Variants in GRIN2A observed in about 807,000 individuals in gnomAD.
The protein encoded by GRIN2A is glutamate receptor ionotropic, NMDA 2A.
GRIN2A carries 22 observed loss-of-function variants against 113.4 expected under a neutral mutation model. The ratio of observed to expected loss-of-function variants is 0.19; its 90% CI spans 0.14 to 0.28. The LOEUF is 0.28. Ranked by LOEUF, GRIN2A falls within the 10% of genes least tolerant of loss-of-function variation. GRIN2A has a pLI of 1.00. For synonymous variants in GRIN2A, 827 were observed against 738.4 expected, an observed-to-expected ratio of 1.12 and a Z score of -1.94; for missense variants, 1,502 against 1,887.0, an observed-to-expected ratio of 0.80 and a Z score of 3.78.
At chr16:9,991,041 T>A (rs866614252) in intron 2 of GRIN2A, among the ~76,000 whole-genome samples, 1 of 151,996 alleles carries the variant, frequency 6.6e-6, no homozygotes, top group Non-Finnish European at 1.5e-5. Flanking sequence ...CACTCCAGCC[T>A]GGGTGACAGG....
intron 2 of GRIN2A, among the ~76,000 whole-genome samples, chr16:10,101,323 A>G (rs2048389763): frequency 6.6e-6 from 1 of 152,220 alleles, no homozygotes; most frequent in African/African-American, 2.4e-5. Context: ...GTTTCCTGGA[A>G]GATCCAACTG....
intron 2 of GRIN2A, among the ~76,000 whole-genome samples, chr16:10,044,858 T>C (rs2047231430): frequency 6.6e-6 from 1 of 152,028 alleles, no homozygotes; most frequent in South Asian, 2.1e-4. Context: ...CTAACATAAA[T>C]CACAGGGTAC....
Position 9,756,764 on chromosome 16 carries a change from G to A in GRIN2A, c.*6385C>T. 2 of 182,680 alleles carry A rather than the reference G, an allele frequency of 1.1e-5. No homozygotes were observed. Among genetic ancestry groups the A allele is most frequent in the Non-Finnish European group, 2.3e-5 (2 of 85,830 alleles). The allele number at this position is 182,680 out of a possible 1,614,324, so 11.3% of individuals were successfully genotyped here. ...AGGTGCAGATCCATGGCAAGTACTT[G>A]CGATAAGCAGAAAATGTAACATTCC... is the stretch of plus-strand genomic sequence containing the variant. On this transcript the variant is annotated 3_prime_UTR_variant, in exon 13 of 13. Coordinates refer to ENST00000330684, the MANE Select transcript of GRIN2A (RefSeq NM_001134407.3).
intron 12 of GRIN2A, among the ~76,000 whole-genome samples, chr16:9,766,350 T>C (rs931055654): frequency 6.6e-6 from 1 of 152,158 alleles, no homozygotes; most frequent in African/African-American, 2.4e-5. Flanking sequence ...CTCAACTCAT[T>C]TTCACTGCTA....
intron 2 of GRIN2A, among the ~76,000 whole-genome samples, chr16:10,046,158 A>G (rs1189690847): frequency 2.6e-5 from 4 of 152,074 alleles, no homozygotes; most frequent in Non-Finnish European, 5.9e-5. Context: ...GTTCTGACCA[A>G]TGTGGCATGA....
At chr16:10,038,805 G>T (rs973176436) in intron 2 of GRIN2A, among the ~76,000 whole-genome samples, 1 of 150,344 alleles carries the variant, frequency 6.7e-6, no homozygotes, top group Admixed American at 6.7e-5. Context: ...CCGAGATCGC[G>T]CCACTGCACT....
intron 2 of GRIN2A, among the ~76,000 whole-genome samples, chr16:10,084,722 A>C (rs1278461871): frequency 7.9e-6 from 1 of 127,150 alleles, no homozygotes; most frequent in Admixed American, 8.0e-5. Context: ...TTTTTCATTC[A>C]TGTCTTAATC....
intron 2 of GRIN2A, among the ~76,000 whole-genome samples, chr16:9,961,292 T>C (rs1474996846): frequency 6.6e-6 from 1 of 152,064 alleles, no homozygotes; most frequent in African/African-American, 2.4e-5. Flanking sequence ...GAAGGTCACA[T>C]GCTCCAGACA....
chr16:10,109,367 A>G (rs926951447), intron 2 of GRIN2A, among the ~76,000 whole-genome samples: 3 of 151,882 alleles, frequency 2.0e-5, no homozygotes, highest in Non-Finnish European at 2.9e-5. Context: ...AGAGTCCTAC[A>G]CAAATTATTT....
At chr16:10,167,748 A>C (rs938222637) in intron 2 of GRIN2A, among the ~76,000 whole-genome samples, 2 of 152,206 alleles carry the variant, frequency 1.3e-5, no homozygotes, top group African/African-American at 4.8e-5. Flanking sequence ...AATGGAGACA[A>C]TATATCAATT....
chr16:10,135,610 C>T (rs1049695847), intron 2 of GRIN2A, among the ~76,000 whole-genome samples: 4 of 152,068 alleles, frequency 2.6e-5, no homozygotes, highest in African/African-American at 7.2e-5. Flanking sequence ...AACAGATGAG[C>T]GGGAGACATA....
chr16:10,171,932 G>A (rs1470462789), intron 2 of GRIN2A, among the ~76,000 whole-genome samples: 3 of 152,100 alleles, frequency 2.0e-5, no homozygotes, highest in South Asian at 2.1e-4. Flanking sequence ...AGTAAGAGGT[G>A]GAATCCCTGA....
intron 10 of GRIN2A, among the ~76,000 whole-genome samples, chr16:9,799,719 C>T (rs561784004): frequency 3.9e-5 from 6 of 152,262 alleles, no homozygotes; most frequent in African/African-American, 1.2e-4. Context: ...TCTCTCATTC[C>T]ATACCTAGTG....
At chr16:9,814,832 C>T (rs1393935380) in intron 10 of GRIN2A, among the ~76,000 whole-genome samples, 1 of 152,046 alleles carries the variant, frequency 6.6e-6, no homozygotes, top group Non-Finnish European at 1.5e-5. Flanking sequence ...CCAGCCTGAC[C>T]AACATGGAGA....
At chr16:10,106,267 C>T (rs944997116) in intron 2 of GRIN2A, among the ~76,000 whole-genome samples, 1 of 146,764 alleles carries the variant, frequency 6.8e-6, no homozygotes, top group African/African-American at 2.5e-5. Flanking sequence ...TTAATTTACA[C>T]ATAAGAAAAA....
intron 12 of GRIN2A, among the ~76,000 whole-genome samples, chr16:9,768,248 C>T (rs554961825): frequency 1.3e-5 from 2 of 151,998 alleles, no homozygotes; most frequent in African/African-American, 2.4e-5. Flanking sequence ...AGGGGGGGGT[C>T]TCACCGTGTT....
chr16:10,078,998 C>T (rs920362644), intron 2 of GRIN2A, among the ~76,000 whole-genome samples: 2 of 152,236 alleles, frequency 1.3e-5, no homozygotes, highest in African/African-American at 4.8e-5. Flanking sequence ...CAGCCTTATG[C>T]TCATAGCTCC....
chr16:9,983,728 C>T (rs1285883640), intron 2 of GRIN2A, among the ~76,000 whole-genome samples: 14 of 152,134 alleles, frequency 9.2e-5, no homozygotes, highest in African/African-American at 3.4e-4. Flanking sequence ...TGTGAGCCAC[C>T]GCGCCCAGCC....
In GRIN2A at chr16:10,010,062, C is replaced by T. The variant is rs145456337; in HGVS notation, c.415-71511G>A. 1.7e-3 allele frequency among the ~76,000 whole-genome samples: 264 copies of T among 152,360 alleles called. 4 individuals carry two copies. Among genetic ancestry groups the T allele is most frequent in the African/African-American group, 5.8e-3 (242 of 41,580 alleles). On this transcript the variant is annotated intron_variant, in intron 2 of 12. Transcript: ENST00000330684. The stretch of plus-strand genomic sequence containing the variant: ...GGAGCAAGGCCCAAAGAAACAAGCA[C>T]GACTGTGAATTCTGTTTGAATTCCT...
Sources: gnomAD v4.1 joint callset for allele counts (sites outside exome capture counted in the v4.1 genomes callset) on GRCh38, gnomAD v4.1.1 for gene constraint, MANE v1.5 for transcripts, NCBI Gene and HGNC (gene_info 2026-07-23, HGNC 2026-07-21) for gene names.